FAM169A: variants seen among roughly 807,000 people sequenced by gnomAD.
FAM169A encodes soluble lamin-associated protein of 75 kDa.
A neutral mutation model predicts 75.7 loss-of-function variants in FAM169A; 24 were observed. The observed-to-expected ratio is 0.32, with a 90% confidence interval of 0.23 to 0.45. The LOEUF (loss-of-function observed/expected upper bound fraction) is 0.45, where lower values mean the gene tolerates loss of function less well. Among genes scored for constraint, FAM169A ranks in the 20% least tolerant of loss-of-function variants. The pLI is 1.00. For missense variants in FAM169A, 673 were observed against 784.0 expected (o/e 0.86, Z 1.69); for synonymous variants, 271 against 271.0 (o/e 1.00, Z 0.00).
chr5:74,866,336 C>T lies in FAM169A; in HGVS notation c.-175G>A, dbSNP rs1750344920. On this transcript the variant is annotated 5_prime_UTR_variant, in exon 1 of 13. Transcript: ENST00000687041. ...CCCGCTCGCCCCGGACGCCCGGCTC[C>T]TCGTCGCGGGTCGGCCGCGGCCCAC... 1 of 984,536 alleles carries T rather than the reference C, an allele frequency of 1.0e-6. No homozygotes were observed. Among genetic ancestry groups the T allele is most frequent in the Non-Finnish European group, 1.2e-6 (1 of 829,644 alleles). The allele number at this position is 984,536 out of a possible 1,614,324, so 61.0% of individuals were successfully genotyped here.
Position 74,777,576 on chromosome 5 carries a change from G to A in FAM169A, c.*3884C>T, listed in dbSNP as rs1745182657. 1 of 148,220 alleles carries A rather than the reference G, an allele frequency of 6.7e-6. No individual in the cohort carries two copies. Among genetic ancestry groups the A allele is most frequent in the South Asian group, 2.1e-4 (1 of 4,756 alleles). The allele number at this position is 148,220 out of a possible 1,614,324, so 9.2% of individuals were successfully genotyped here. ...TACATTAATCTATAATCACCACATT[G>A]TTTTAAATTGTTTATTTTTTTTTTA... On this transcript the variant is annotated 3_prime_UTR_variant, in exon 13 of 13. Coordinates refer to ENST00000687041, the MANE Select transcript of FAM169A (RefSeq NM_001376049.1).
At chr5:74,799,191 C>G in intron 10 of FAM169A, 1 of 1,210,756 alleles carries the variant, frequency 8.3e-7, no homozygotes, top group Non-Finnish European at 1.2e-6. Flanking sequence ...AGCATGACCA[C>G]ATCGTCACTT....
intron 5 of FAM169A, among the ~76,000 whole-genome samples, chr5:74,814,835 T>C (rs1747386497): frequency 6.6e-6 from 1 of 152,236 alleles, no homozygotes; most frequent in Admixed American, 6.5e-5. Context: ...TGGTGTGTCA[T>C]ACTTCCTGTT....
At chr5:74,850,019 C>T (rs1749358981) in intron 1 of FAM169A, among the ~76,000 whole-genome samples, 1 of 152,178 alleles carries the variant, frequency 6.6e-6, no homozygotes, top group South Asian at 2.1e-4. Context: ...TTATTTCAAG[C>T]AGGAAGCAAA....
chr5:74,782,085 G>C, intron 12 of FAM169A, 77 bp from the exon 13 acceptor site: 1 of 1,111,480 alleles, frequency 9.0e-7, no homozygotes, highest in Non-Finnish European at 1.3e-6. Flanking sequence ...CTAATATGCA[G>C]TGACACTGAA....
intron 10 of FAM169A, chr5:74,799,868 C>T (rs894085954): frequency 3.0e-6 from 3 of 1,014,578 alleles, no homozygotes; most frequent in Admixed American, 3.4e-5. Flanking sequence ...CAAAACAGAG[C>T]ATCCAACGCA....
chr5:74,787,996 T>G (rs1745782009), intron 11 of FAM169A, among the ~76,000 whole-genome samples: 1 of 152,066 alleles, frequency 6.6e-6, no homozygotes, highest in African/African-American at 2.4e-5. Context: ...TAGAGACAAT[T>G]TATGCTGTGA....
In FAM169A at chr5:74,778,318, T is replaced by C. The variant is rs899559668; in HGVS notation, c.*3142A>G. On this transcript the variant is annotated 3_prime_UTR_variant, in exon 13 of 13. Coordinates refer to ENST00000687041, the MANE Select transcript of FAM169A (RefSeq NM_001376049.1). ...TATGTACATTAAGATCTGTTTCAGT[T>C]TGCTGGTGTGACCAAACCTTAGAAG... 1 of 152,056 alleles carries C rather than the reference T, an allele frequency of 6.6e-6. No homozygotes were observed. The highest frequency in any genetic ancestry group is 2.4e-5 in the African/African-American group (1 of 41,450). 9.4% of individuals were successfully genotyped at this position (152,056 alleles called of 1,614,324 possible). A position where few individuals can be genotyped will look rare whatever the true frequency, so the allele number is the denominator to read the frequency against.
chr5:74,827,263 A>G (rs888646861), intron 5 of FAM169A, among the ~76,000 whole-genome samples: 1 of 152,112 alleles, frequency 6.6e-6, no homozygotes, highest in Non-Finnish European at 1.5e-5. Context: ...CCCTTCTTTT[A>G]TATGTATCAA....
chr5:74,842,031 A>G (rs1436487781), intron 1 of FAM169A, among the ~76,000 whole-genome samples: 2 of 152,136 alleles, frequency 1.3e-5, no homozygotes, highest in Non-Finnish European at 2.9e-5. Flanking sequence ...AAGTCACTGT[A>G]AAAGGACACG....
At chr5:74,782,821 A>C (rs1195804803) in intron 12 of FAM169A, 110 bp downstream of exon 12, 2 of 654,720 alleles carry the variant, frequency 3.1e-6, no homozygotes, top group East Asian at 5.5e-5. Context: ...TAATCTTCCT[A>C]AAGCACTGTA....
At chr5:74,854,962 T>G (rs1749634852) in intron 1 of FAM169A, among the ~76,000 whole-genome samples, 1 of 152,154 alleles carries the variant, frequency 6.6e-6, no homozygotes, top group African/African-American at 2.4e-5. Context: ...TTTCTTTCTT[T>G]TGGGTATATA....
At chr5:74,858,214 C>T (rs368894132) in intron 1 of FAM169A, among the ~76,000 whole-genome samples, 2 of 151,944 alleles carry the variant, frequency 1.3e-5, no homozygotes, top group East Asian at 3.9e-4. Flanking sequence ...AGTGAAACTC[C>T]GTCTCTACTA....
At position 74,783,105 on chromosome 5, in the gene FAM169A, C is replaced by T; in HGVS notation, c.1290G>A (p.Glu430=). 1.9e-6 allele frequency: 3 copies of T among 1,613,510 alleles called. No individual in the cohort carries two copies. Among genetic ancestry groups the T allele is most frequent in the Non-Finnish European group, 2.5e-6 (3 of 1,179,522 alleles). ...AGGTCTTAAGAGAATCGTCCATTAT[C>T]TCACCATTCATAGGCTCTAATTCAG... ...KESELEPMNG[E]IMDDSLKTSL... The change falls in exon 12 of 13, where the codon GAG becomes GAA. Residue 430 remains glutamate (E), a synonymous_variant. Transcript: ENST00000687041.
intron 10 of FAM169A, chr5:74,799,874 A>G (rs1746472182): frequency 1.0e-6 from 1 of 1,004,960 alleles, no homozygotes; most frequent in Admixed American, 1.7e-5. Flanking sequence ...AGAGCATCCA[A>G]CGCAACATGT....
At chr5:74,816,814 C>T (rs1364401656) in intron 5 of FAM169A, among the ~76,000 whole-genome samples, 7 of 152,142 alleles carry the variant, frequency 4.6e-5, no homozygotes, top group Non-Finnish European at 1.0e-4. Context: ...CAAAATTCCA[C>T]ATTTTTCTAT....
At chr5:74,810,232 C>T (rs1747104359) in intron 6 of FAM169A, among the ~76,000 whole-genome samples, 1 of 152,140 alleles carries the variant, frequency 6.6e-6, no homozygotes, top group African/African-American at 2.4e-5. Context: ...CCATATATTT[C>T]CATTTTTCAT....
rs181875341 is a variant in FAM169A at position 74,796,083 on chromosome 5, C to T, written c.1207G>A (p.Ala403Thr). 943 of 1,614,082 alleles carry T rather than the reference C, an allele frequency of 5.8e-4. 3 individuals carry two copies. In the African/African-American group the frequency reaches 6.5e-3, roughly 11 times the overall value. Residue 403 changes from alanine to threonine, a missense_variant, in exon 11 of 13, where the codon GCA becomes ACA. Coordinates refer to ENST00000687041, the MANE Select transcript of FAM169A (RefSeq NM_001376049.1). ...GGCTGGGTTTCCAGTGCTGGCCGTG[C>T]ATCTCTATCACTGCTTTCATCCTCA... ...EFEDESSDRD[A>T]RPALETQPQQ... is the part of the protein sequence containing the mutation.
chr5:74,819,489 T>C (rs935243835), intron 5 of FAM169A, among the ~76,000 whole-genome samples: 6 of 152,326 alleles, frequency 3.9e-5, no homozygotes, highest in African/African-American at 1.4e-4. Context: ...GAAGACAGTT[T>C]GGCAGTTTCT....
Sources: allele counts gnomAD v4.1 joint callset (sites outside exome capture counted in the v4.1 genomes callset), GRCh38; gene constraint gnomAD v4.1.1; transcripts MANE v1.5; gene names NCBI Gene and HGNC (gene_info 2026-07-23, HGNC 2026-07-21).